Variants in SLC22A25 observed in about 807,000 individuals in gnomAD.
The protein encoded by SLC22A25 is solute carrier family 22 member 25.
In SLC22A25, 44 loss-of-function variants were observed where a neutral mutation model predicts 45.9. The observed-to-expected ratio is 0.96, with a 90% CI of 0.75 to 1.23. The LOEUF (loss-of-function observed/expected upper bound fraction) is 1.23. SLC22A25 is among the 50% of genes most tolerant of loss of function. The pLI is 0.00. For synonymous variants in SLC22A25, 283 were observed against 238.6 expected (o/e 1.19, Z -1.72); for missense variants, 800 against 666.4 (o/e 1.20, Z -2.21).
rs764360039 is a variant in SLC22A25 at position 63,166,123 on chromosome 11, G to A, written c.1206C>T (p.His402=). 1.9e-6 allele frequency: 3 copies of A among 1,614,048 alleles called. No homozygotes were observed. The highest frequency in any genetic ancestry group is 8.5e-7 in the Non-Finnish European group (1 of 1,179,958). Residue 402 remains histidine (H), a synonymous_variant, in exon 10 of 12, where the codon CAC becomes CAT. Coordinates refer to ENST00000306494, the MANE Select transcript of SLC22A25 (RefSeq NM_199352.6). The part of the protein sequence containing the change: ...ANCVAPWALN[H]MSRRLSQMLL... ...GCATCTGGCTTAGTCGACGGCTCAT[G>A]TGATTCAGTGCCCAAGGTGCAACAC...
intron 1 of SLC22A25, among the ~76,000 whole-genome samples, chr11:63,239,416 C>T (rs1458987643): frequency 6.6e-6 from 1 of 152,130 alleles, no homozygotes; most frequent in Admixed American, 6.5e-5. Context: ...ATCAGCAGCA[C>T]CTCACAAAAG....
At chr11:63,207,529 G>T (rs2134791339) in intron 7 of SLC22A25, among the ~76,000 whole-genome samples, 1 of 152,188 alleles carries the variant, frequency 6.6e-6, no homozygotes, top group African/African-American at 2.4e-5. Flanking sequence ...CATCATCACT[G>T]GTCATTAGAG....
intron 9 of SLC22A25, among the ~76,000 whole-genome samples, chr11:63,178,862 A>C (rs1021623524): frequency 1.3e-5 from 2 of 151,348 alleles, no homozygotes; most frequent in Non-Finnish European, 2.9e-5. Context: ...TGTGCTTTTG[A>C]CTTTTTACTC....
intron 5 of SLC22A25, among the ~76,000 whole-genome samples, chr11:63,225,448 T>A (rs1319538939): frequency 6.6e-6 from 1 of 152,204 alleles, no homozygotes; most frequent in Non-Finnish European, 1.5e-5. Flanking sequence ...TTTAAGTATA[T>A]CATGCCACTC....
intron 9 of SLC22A25, among the ~76,000 whole-genome samples, chr11:63,169,636 C>G (rs976998528): frequency 4.1e-4 from 62 of 152,148 alleles, no homozygotes; most frequent in Admixed American, 2.4e-3. Flanking sequence ...TATATACACA[C>G]ACAACACAGG....
At chr11:63,171,057 A>T (rs2087863438) in intron 9 of SLC22A25, among the ~76,000 whole-genome samples, 1 of 152,196 alleles carries the variant, frequency 6.6e-6, no homozygotes, top group Admixed American at 6.5e-5. Flanking sequence ...AATCAATGAC[A>T]ATAGCCACAC....
At chr11:63,229,087 T>C (rs1358753831) in intron 4 of SLC22A25, among the ~76,000 whole-genome samples, 164 bp downstream of exon 4, 2 of 152,204 alleles carry the variant, frequency 1.3e-5, no homozygotes, top group African/African-American at 2.4e-5. Context: ...TTAGACTCAT[T>C]AAATGTGCAG....
intron 8 of SLC22A25, among the ~76,000 whole-genome samples, chr11:63,183,111 C>T (rs2088389354): frequency 6.6e-6 from 1 of 151,952 alleles, no homozygotes; most frequent in Non-Finnish European, 1.5e-5. Context: ...TAAAGACTTC[C>T]CCCAGGCATT....
Position 63,172,601 on chromosome 11 carries a change from C to T in SLC22A25, c.1071-6343G>A, listed in dbSNP as rs567281809. 9.2e-5 allele frequency among the ~76,000 whole-genome samples: 14 copies of T among 151,518 alleles called. No individual in the cohort carries two copies. In the South Asian group the frequency reaches 2.9e-3, roughly 32 times the overall value. ...ACCACATCGAGATACCATCTCATGC[C>T]AGTTTGAAGAGGAGCTAGGTGTGGG... On this transcript the variant is annotated intron_variant, in intron 9 of 11. Coordinates refer to ENST00000306494, the MANE Select transcript of SLC22A25 (RefSeq NM_199352.6).
chr11:63,236,433 C>T (rs949021964), intron 3 of SLC22A25, among the ~76,000 whole-genome samples: 4 of 152,194 alleles, frequency 2.6e-5, no homozygotes, highest in African/African-American at 7.2e-5. Context: ...GGCATAGGAA[C>T]CTCCAAGCCA....
intron 7 of SLC22A25, among the ~76,000 whole-genome samples, chr11:63,187,943 T>G (rs750909620): frequency 1.8e-4 from 27 of 152,228 alleles, no homozygotes; most frequent in Non-Finnish European, 3.8e-4. Flanking sequence ...TGGATTTGGT[T>G]TGCCAGTATT....
chr11:63,188,479 C>A (rs4592426), intron 7 of SLC22A25, among the ~76,000 whole-genome samples: 150,371 of 152,276 alleles, frequency 0.99, 74,284 homozygotes, highest in Middle Eastern at 1. Flanking sequence ...TATTTTGTTG[C>A]TCTTTTCAAA....
At chr11:63,191,236 C>T (rs901602154) in intron 7 of SLC22A25, among the ~76,000 whole-genome samples, 12 of 152,198 alleles carry the variant, frequency 7.9e-5, no homozygotes, top group African/African-American at 2.9e-4. Context: ...CTACTCAAAC[C>T]TTGGCAATGG....
In SLC22A25 at chr11:63,241,793, G is replaced by A. The variant is rs191800589; in HGVS notation, c.-996+1641C>T. ...CAGACACCCAAGCACCTGAGGGTAT[G>A]CACTGAGGTGAGGCACAACATTGGT... On this transcript the variant is annotated intron_variant, in intron 1 of 11. Transcript: ENST00000306494. Among the ~76,000 whole-genome samples, 55 of 152,308 alleles carry A rather than the reference G, an allele frequency of 3.6e-4. 1 individual carries two copies. The highest frequency in any genetic ancestry group is 2.3e-3 in the Admixed American group (35 of 15,300).
At chr11:63,171,110 A>G (rs2087865742) in intron 9 of SLC22A25, among the ~76,000 whole-genome samples, 1 of 152,194 alleles carries the variant, frequency 6.6e-6, no homozygotes, top group African/African-American at 2.4e-5. Context: ...ATCAAATTCA[A>G]CACCCTTCAT....
chr11:63,212,547 C>G (rs1180032829), intron 7 of SLC22A25, among the ~76,000 whole-genome samples: 2 of 151,876 alleles, frequency 1.3e-5, no homozygotes, highest in African/African-American at 4.8e-5. Context: ...AACCATCATT[C>G]TCAGCAAACT....
chr11:63,172,109 T>C (rs2087909549), intron 9 of SLC22A25, among the ~76,000 whole-genome samples: 1 of 152,180 alleles, frequency 6.6e-6, no homozygotes, highest in Non-Finnish European at 1.5e-5. Context: ...AAACTGAAAC[T>C]GGACCCCTTC....
chr11:63,205,850 A>G (rs1469817592), intron 7 of SLC22A25, among the ~76,000 whole-genome samples: 3 of 152,112 alleles, frequency 2.0e-5, no homozygotes, highest in Non-Finnish European at 2.9e-5. Context: ...AAACACAACA[A>G]AAAAATTCAG....
chr11:63,186,919 C>T (rs1399882236), intron 7 of SLC22A25, among the ~76,000 whole-genome samples: 1 of 152,098 alleles, frequency 6.6e-6, no homozygotes, highest in Admixed American at 6.6e-5. Context: ...TGTTTTGGTA[C>T]CAGTACCATG....
Sources: allele counts gnomAD v4.1 joint callset (sites outside exome capture counted in the v4.1 genomes callset), GRCh38; gene constraint gnomAD v4.1.1; transcripts MANE v1.5; gene names NCBI Gene and HGNC (gene_info 2026-07-23, HGNC 2026-07-21).